Variants in SYN2 observed in about 807,000 individuals in gnomAD.
SYN2 encodes the protein synapsin-2.
A neutral mutation model predicts 50.9 loss-of-function variants in SYN2; 19 were observed. That is an observed-to-expected ratio of 0.37 (90% confidence interval 0.26 to 0.55). The LOEUF (loss-of-function observed/expected upper bound fraction) is 0.55. Ranked by LOEUF, SYN2 falls within the 20% of genes least tolerant of loss-of-function variation. SYN2 has a pLI of 0.81. For missense variants in SYN2, 587 were observed against 576.4 expected, an observed-to-expected ratio of 1.02 and a Z score of -0.19; for synonymous variants, 255 against 224.9, an observed-to-expected ratio of 1.13 and a Z score of -1.20.
At chr3:12,163,584 T>C (rs1398492173) in intron 7 of SYN2, among the ~76,000 whole-genome samples, 1 of 152,180 alleles carries the variant, frequency 6.6e-6, no homozygotes, top group East Asian at 1.9e-4. Flanking sequence ...GATGGAATCA[T>C]CTCTGCATCT....
chr3:12,182,834 C>T (rs1327184475), intron 10 of SYN2, among the ~76,000 whole-genome samples: 3 of 152,236 alleles, frequency 2.0e-5, no homozygotes, highest in South Asian at 4.1e-4. Context: ...CACATACACT[C>T]CTCCCCTGCC....
chr3:12,098,268 C>T (rs1392150847), intron 1 of SYN2, among the ~76,000 whole-genome samples: 1 of 152,136 alleles, frequency 6.6e-6, no homozygotes, highest in African/African-American at 2.4e-5. Context: ...GCAAAGAATT[C>T]TGTTTCTAAC....
At chr3:12,009,756 C>T (rs563438813) in intron 1 of SYN2, among the ~76,000 whole-genome samples, 1 of 152,276 alleles carries the variant, frequency 6.6e-6, no homozygotes, top group East Asian at 1.9e-4. Context: ...TACACTATTC[C>T]TTGTTTGTGT....
intron 1 of SYN2, among the ~76,000 whole-genome samples, chr3:12,129,400 A>ATTT (rs1696741497): frequency 6.6e-6 from 1 of 152,204 alleles, no homozygotes; most frequent in African/African-American, 2.4e-5. Flanking sequence ...GAAACAAGGA[A>ATTT]GTAAAAGAGC....
chr3:12,081,353 T>G (rs889713631), intron 1 of SYN2, among the ~76,000 whole-genome samples: 1 of 152,218 alleles, frequency 6.6e-6, no homozygotes, highest in Admixed American at 6.5e-5. Context: ...GTTCCAGATA[T>G]TTTGTATTTC....
At chr3:12,148,201 A>G (rs1330092918) in intron 4 of SYN2, among the ~76,000 whole-genome samples, 1 of 152,092 alleles carries the variant, frequency 6.6e-6, no homozygotes, top group Non-Finnish European at 1.5e-5. Context: ...GCCTGTGGCT[A>G]GGGCTTTGCT....
chr3:12,111,957 T>C (rs145098348), intron 1 of SYN2, among the ~76,000 whole-genome samples: 26 of 152,300 alleles, frequency 1.7e-4, no homozygotes, highest in South Asian at 1.2e-3. Flanking sequence ...GGCATCATTG[T>C]TGTATCCAGC....
At chr3:12,077,819 C>T (rs542669037) in intron 1 of SYN2, among the ~76,000 whole-genome samples, 1 of 152,182 alleles carries the variant, frequency 6.6e-6, no homozygotes, top group South Asian at 2.1e-4. Flanking sequence ...GATTTATATT[C>T]CTTTGGGTAT....
intron 10 of SYN2, among the ~76,000 whole-genome samples, chr3:12,173,656 C>T (rs1280094914): frequency 2.6e-5 from 4 of 152,320 alleles, no homozygotes; most frequent in East Asian, 1.9e-4. Flanking sequence ...TGACTCACGC[C>T]TGTAATCCCA....
intron 11 of SYN2, among the ~76,000 whole-genome samples, chr3:12,186,074 A>G (rs887336666): frequency 2.0e-5 from 3 of 152,218 alleles, no homozygotes; most frequent in African/African-American, 7.2e-5. Context: ...GCGGATAGTC[A>G]TGGGTGCACA....
At chr3:12,070,296 C>T (rs780220559) in intron 1 of SYN2, 41 of 491,258 alleles carry the variant, frequency 8.3e-5, no homozygotes, top group African/African-American at 3.2e-4. Context: ...TTGCTGGGGA[C>T]GACGCCCCCT....
intron 1 of SYN2, among the ~76,000 whole-genome samples, chr3:12,025,730 A>G (rs969583067): frequency 6.6e-6 from 1 of 152,100 alleles, no homozygotes; most frequent in African/African-American, 2.4e-5. Flanking sequence ...CTTCTGATAC[A>G]TAGTGCCTAG....
intron 1 of SYN2, among the ~76,000 whole-genome samples, chr3:12,095,604 G>A (rs909980994): frequency 7.5e-6 from 1 of 132,840 alleles, no homozygotes; most frequent in Non-Finnish European, 1.6e-5. Context: ...GACAGATTTG[G>A]TGGGTATTTC....
intron 1 of SYN2, among the ~76,000 whole-genome samples, chr3:12,043,752 G>T (rs1180708124): frequency 6.6e-6 from 1 of 152,146 alleles, no homozygotes; most frequent in African/African-American, 2.4e-5. Flanking sequence ...CATATCATAT[G>T]ACCTTTCCTA....
chr3:12,016,811 G>A (rs192775285), intron 1 of SYN2, among the ~76,000 whole-genome samples: 33 of 152,144 alleles, frequency 2.2e-4, no homozygotes, highest in African/African-American at 7.2e-4. Flanking sequence ...AGCTGAGATC[G>A]CGCCACTGCA....
At chr3:12,076,361 A>G (rs756765349) in intron 1 of SYN2, among the ~76,000 whole-genome samples, 60 of 152,008 alleles carry the variant, frequency 3.9e-4, no homozygotes, top group Non-Finnish European at 8.8e-5. Flanking sequence ...ACATAAAGTA[A>G]TTGTTTTTTG....
intron 1 of SYN2, among the ~76,000 whole-genome samples, chr3:12,113,838 C>T (rs1223617062): frequency 6.6e-6 from 1 of 151,914 alleles, no homozygotes; most frequent in African/African-American, 2.4e-5. Flanking sequence ...TTTGTTTATC[C>T]ATTCATCAGT....
chr3:12,087,852 T>C (rs761983224), intron 1 of SYN2, among the ~76,000 whole-genome samples: 2 of 152,030 alleles, frequency 1.3e-5, no homozygotes, highest in East Asian at 1.9e-4. Flanking sequence ...CTTCAATAAA[T>C]GGTGTTGGGA....
chr3:12,086,998 AT>A (rs1695715059), intron 1 of SYN2, among the ~76,000 whole-genome samples: 1 of 152,200 alleles, frequency 6.6e-6, no homozygotes, highest in Non-Finnish European at 1.5e-5. Context: ...TGATAAATGA[AT>A]TTAGTTAAGT....
Sources: gnomAD v4.1 joint callset for allele counts (sites outside exome capture counted in the v4.1 genomes callset) on GRCh38, gnomAD v4.1.1 for gene constraint, MANE v1.5 for transcripts, NCBI Gene and HGNC (gene_info 2026-07-23, HGNC 2026-07-21) for gene names.